The following HTATIP2 variants were observed in gnomAD, a reference collection of about 807,000 sequenced individuals.
The protein encoded by HTATIP2 is HIV-1 Tat interactive protein 2.
Under a neutral mutation model 24.7 loss-of-function variants are expected in HTATIP2, and 26 were observed. The ratio of observed to expected loss-of-function variants is 1.05; its 90% confidence interval spans 0.77 to 1.46. HTATIP2 has a LOEUF of 1.46. Among genes scored for constraint, HTATIP2 ranks in the 40% most tolerant of loss-of-function variants. The pLI is 0.00. For missense variants in HTATIP2, 284 were observed against 289.6 expected, an observed-to-expected ratio of 0.98 and a Z score of 0.14; for synonymous variants, 99 against 113.2, an observed-to-expected ratio of 0.87 and a Z score of 0.79.
At chr11:20,374,146 T>C (rs1848407256) in intron 2 of HTATIP2, among the ~76,000 whole-genome samples, 1 of 152,202 alleles carries the variant, frequency 6.6e-6, no homozygotes, top group Admixed American at 6.5e-5. Context: ...GGAAGGCTTT[T>C]ACAGTAATGG....
rs2064662262 is a variant in HTATIP2 at position 20,363,897 on chromosome 11, C to T, written c.-341C>T. 3.2e-6 allele frequency: 4 copies of T among 1,242,654 alleles called. No homozygotes were observed. The highest frequency in any genetic ancestry group is 4.0e-6 in the Non-Finnish European group (4 of 989,738). 77.0% of individuals were successfully genotyped at this position (1,242,654 alleles called of 1,614,324 possible). A position where few individuals can be genotyped will look rare whatever the true frequency, so the allele number is the denominator to read the frequency against. On this transcript the variant is annotated 5_prime_UTR_variant, in exon 1 of 5. Coordinates refer to ENST00000451739, the MANE Select transcript of HTATIP2 (RefSeq NM_001098522.2). ...CTGCTGCGTCGTGAGGACCCGGGGCCGGGGGCTGGCCCCAGGTAACCCCTC... is the reference window on the plus strand; with the variant it reads ...CTGCTGCGTCGTGAGGACCCGGGGCTGGGGGCTGGCCCCAGGTAACCCCTC...
intron 2 of HTATIP2, among the ~76,000 whole-genome samples, chr11:20,374,459 C>T (rs1486581894): frequency 1.3e-5 from 2 of 152,196 alleles, no homozygotes; most frequent in Non-Finnish European, 2.9e-5. Flanking sequence ...GGCTGTAGGA[C>T]AGAAACCATT....
intron 3 of HTATIP2, among the ~76,000 whole-genome samples, chr11:20,377,699 G>A (rs1194936514): frequency 6.6e-6 from 1 of 152,140 alleles, no homozygotes; most frequent in East Asian, 1.9e-4. Context: ...TTACTATCTC[G>A]TTAGCCAACT....
In HTATIP2 at chr11:20,363,745, G is replaced by T; in HGVS notation, c.-493G>T. ...GCCGCGAGGCCACCCGGAAGACCAA[G>T]CCGGGTAGGCGCTGTCTCCGTCGCC... On this transcript the variant is annotated 5_prime_UTR_variant, in exon 1 of 5. Coordinates refer to ENST00000451739, the MANE Select transcript of HTATIP2 (RefSeq NM_001098522.2). The T allele has an allele frequency of 8.1e-7, 1 of 1,234,650 alleles. No individual in the cohort carries two copies. The allele number at this position is 1,234,650 out of a possible 1,614,324, so 76.5% of individuals were successfully genotyped here.
In HTATIP2 at chr11:20,364,322, G is replaced by T; in HGVS notation, c.85G>T (p.Glu29Ter). 1 of 1,613,928 alleles carries T rather than the reference G, an allele frequency of 6.2e-7. No homozygotes were observed. The change falls in exon 1 of 5, where the codon GAA becomes TAA. Residue 29 changes from glutamate to a stop codon, truncating the protein, a stop_gained. Coordinates refer to ENST00000451739, the MANE Select transcript of HTATIP2 (RefSeq NM_001098522.2). LOFTEE classifies it high-confidence loss of function. The stretch of plus-strand genomic sequence containing the variant: ...CGTCTTTATTTTGGGCGCCAGCGGA[G>T]AAACCGGCAGAGTGCTCTTAAAGGA... ...KSVFILGASGETGRVLLKEIL... is the reference protein window; with the variant it reads ...KSVFILGASG
At chr11:20,366,366 A>C (rs534565524) in intron 1 of HTATIP2, among the ~76,000 whole-genome samples, 1 of 151,702 alleles carries the variant, frequency 6.6e-6, no homozygotes, top group African/African-American at 2.4e-5. Context: ...CAGCCTCCCA[A>C]AGTGCTGGGA....
chr11:20,368,174 G>C (rs1209202662), intron 2 of HTATIP2, among the ~76,000 whole-genome samples: 1 of 151,512 alleles, frequency 6.6e-6, no homozygotes, highest in Non-Finnish European at 1.5e-5. Flanking sequence ...TGTAATCCCA[G>C]GAAAACAAGA....
At chr11:20,376,475 A>G in intron 2 of HTATIP2, 105 bp from the exon 3 acceptor site, 1 of 1,226,150 alleles carries the variant, frequency 8.2e-7, no homozygotes, top group African/African-American at 1.5e-5. Context: ...TTTTATTTAG[A>G]TCTCCATCCT....
At position 20,382,235 on chromosome 11, in the gene HTATIP2, C is replaced by T. The variant is rs770336814; in HGVS notation, c.499C>T (p.Pro167Ser). The T allele has an allele frequency of 2.6e-6, 4 of 1,553,146 alleles. No homozygotes were observed. The African/African-American group carries it at 5.4e-5, about 21-fold the overall frequency. The change falls in exon 4 of 5, where the codon CCT (proline) becomes TCT (serine). Residue 167 changes from proline to serine, a missense_variant. Pro to Ser is a moderately conservative substitution (Grantham distance 74, BLOSUM62 -1). Transcript: ENST00000451739. ...ATTTGATCGTTACTCTGTATTTAGG[C>T]CTGGGTAAGTATAATATTTATACTG... ...LKFDRYSVFR[P>S]GVLLCDRQES...
intron 3 of HTATIP2, among the ~76,000 whole-genome samples, chr11:20,379,019 G>C (rs1487314414): frequency 6.6e-6 from 1 of 151,778 alleles, no homozygotes. Flanking sequence ...CTTGGGGACA[G>C]AGTGAGACTC....
intron 1 of HTATIP2, 114 bp from the exon 2 acceptor site, chr11:20,367,060 T>C: frequency 8.0e-7 from 1 of 1,242,708 alleles, no homozygotes; most frequent in South Asian, 1.5e-5. Context: ...AAATTTGATG[T>C]TAAGTGGACA....
At position 20,364,237 on chromosome 11, in the gene HTATIP2, C is replaced by A. The variant is rs774580732; in HGVS notation, c.-1C>A. On this transcript the variant is annotated 5_prime_UTR_variant, in exon 1 of 5. Transcript: ENST00000451739. ...GCATCTGTCGATGTTATTTCCCCAG[C>A]ATGGCCGAAACAGAAGCCCTGTCGA... is the stretch of plus-strand genomic sequence containing the variant. 1.9e-6 allele frequency: 3 copies of A among 1,596,594 alleles called. No individual in the cohort carries two copies. Among genetic ancestry groups the A allele is most frequent in the East Asian group, 4.5e-5 (2 of 44,476 alleles).
intron 2 of HTATIP2, among the ~76,000 whole-genome samples, chr11:20,375,018 G>A (rs530821477): frequency 1.9e-4 from 29 of 152,172 alleles, no homozygotes; most frequent in African/African-American, 7.0e-4. Context: ...TAGCGAGAGA[G>A]GGTGGGGGAT....
At chr11:20,375,683 A>C (rs1848433660) in intron 2 of HTATIP2, among the ~76,000 whole-genome samples, 1 of 152,220 alleles carries the variant, frequency 6.6e-6, no homozygotes. Context: ...TAGACTTTAG[A>C]CTTGTCTTCA....
chr11:20,378,956 G>T (rs1341528282), intron 3 of HTATIP2, among the ~76,000 whole-genome samples: 1 of 152,168 alleles, frequency 6.6e-6, no homozygotes, highest in Non-Finnish European at 1.5e-5. Context: ...AGAATTGCAT[G>T]AACCCGGGAA....
intron 2 of HTATIP2, among the ~76,000 whole-genome samples, chr11:20,370,631 T>C (rs1273219775): frequency 6.6e-6 from 1 of 152,246 alleles, no homozygotes. Flanking sequence ...GTACACCCTG[T>C]GAGCTAAGAA....
At chr11:20,365,928 G>T (rs2064696783) in intron 1 of HTATIP2, among the ~76,000 whole-genome samples, 1 of 142,470 alleles carries the variant, frequency 7.0e-6, no homozygotes, top group African/African-American at 2.7e-5. Context: ...CAGAAATTGT[G>T]CCACTGCACT....
chr11:20,373,408 C>G (rs964127884), intron 2 of HTATIP2, among the ~76,000 whole-genome samples: 7 of 152,118 alleles, frequency 4.6e-5, no homozygotes, highest in African/African-American at 1.7e-4. Context: ...AGAGGTTGAT[C>G]CAGAACTAAA....
chr11:20,377,528 T>C (rs1439392247), intron 3 of HTATIP2, among the ~76,000 whole-genome samples: 1 of 152,268 alleles, frequency 6.6e-6, no homozygotes, highest in East Asian at 1.9e-4. Flanking sequence ...TGTTGGAAGA[T>C]AGGCATGGCT....
Sources: gnomAD v4.1 joint callset for allele counts (sites outside exome capture counted in the v4.1 genomes callset) on GRCh38, gnomAD v4.1.1 for gene constraint, MANE v1.5 for transcripts, NCBI Gene and HGNC (gene_info 2026-07-23, HGNC 2026-07-21) for gene names.